GKAP1: variants seen among roughly 807,000 people sequenced by gnomAD.
GKAP1 encodes G kinase anchoring protein 1.
A neutral mutation model predicts 56.7 loss-of-function variants in GKAP1; 31 were observed. The ratio of observed to expected loss-of-function variants is 0.55; its 90% CI spans 0.41 to 0.74. The LOEUF is 0.74. Ranked by LOEUF, GKAP1 falls within the 30% of genes least tolerant of loss-of-function variation. The pLI is 0.00. For missense variants in GKAP1, 364 were observed against 402.3 expected, an observed-to-expected ratio of 0.90 and a Z score of 0.82; for synonymous variants, 151 against 138.6, an observed-to-expected ratio of 1.09 and a Z score of -0.63.
At chr9:83,742,800 G>A (rs1304372719) in intron 10 of GKAP1, among the ~76,000 whole-genome samples, 200 bp from the exon 11 acceptor site, 1 of 152,104 alleles carries the variant, frequency 6.6e-6, no homozygotes, top group Non-Finnish European at 1.5e-5. Flanking sequence ...ATTTTCACCA[G>A]TAAATTCTGA....
chr9:83,773,007 A>G (rs147933649), intron 7 of GKAP1, among the ~76,000 whole-genome samples: 51 of 152,320 alleles, frequency 3.3e-4, no homozygotes, highest in African/African-American at 1.2e-3. Context: ...TCATTTTGAA[A>G]AACAATTTGA....
At chr9:83,790,207 G>T (rs1412772346) in intron 4 of GKAP1, among the ~76,000 whole-genome samples, 1 of 152,116 alleles carries the variant, frequency 6.6e-6, no homozygotes, top group Non-Finnish European at 1.5e-5. Flanking sequence ...GAATTAAAAT[G>T]GTAAGGATAT....
rs908850014 is a variant in GKAP1 at position 83,768,707 on chromosome 9, A to C, written c.738+111T>G. On this transcript the variant is annotated intron_variant, in intron 8 of 12. Transcript: ENST00000376371. ...GTGATAATTACTAAGATCATATCCT[A>C]AACTACTACTTTATACAATCATAAT... 5.6e-6 allele frequency: 5 copies of C among 893,976 alleles called. No homozygotes were observed. In the African/African-American group the frequency reaches 6.8e-5, roughly 12 times the overall value. The allele number at this position is 893,976 out of a possible 1,614,324, so 55.4% of individuals were successfully genotyped here. A position where few individuals can be genotyped will look rare whatever the true frequency, so the allele number is the denominator to read the frequency against.
chr9:83,779,300 T>G (rs1201926024), intron 7 of GKAP1, among the ~76,000 whole-genome samples: 2 of 151,644 alleles, frequency 1.3e-5, no homozygotes, highest in Non-Finnish European at 2.9e-5. Flanking sequence ...TTTGCATGCA[T>G]AGTTAGGAAC....
intron 7 of GKAP1, among the ~76,000 whole-genome samples, chr9:83,776,359 T>A (rs940768823): frequency 6.6e-6 from 1 of 152,174 alleles, no homozygotes; most frequent in Non-Finnish European, 1.5e-5. Context: ...AGATTAAATT[T>A]ATTTGCTTTT....
In GKAP1 at chr9:83,742,020, G is replaced by A; in HGVS notation, c.985C>T (p.Leu329Phe). 1 of 1,587,256 alleles carries A rather than the reference G, an allele frequency of 6.3e-7. No individual in the cohort carries two copies. The highest frequency in any genetic ancestry group is 1.2e-5 in the South Asian group (1 of 86,170). Reference protein sequence around the residue: ...KNELTIQVTSLHAALEQERSK... With the variant: ...KNELTIQVTSFHAALEQERSK... ...CTTTCTTGTTCTAATGCAGCATGAA[G>A]TGAAGTCACCTATAACCAAATATTC... is the stretch of plus-strand genomic sequence containing the variant. Residue 329 changes from leucine (L) to phenylalanine (F), a missense_variant, in exon 12 of 13, where the codon CTT becomes TTT. Leu to Phe is a conservative substitution (Grantham distance 22). Coordinates refer to ENST00000376371, the MANE Select transcript of GKAP1 (RefSeq NM_025211.4).
At chr9:83,816,031 C>CAAAAAAAA (rs72114457) in intron 2 of GKAP1, among the ~76,000 whole-genome samples, 1 of 91,438 alleles carries the variant, frequency 1.1e-5, no homozygotes, top group Non-Finnish European at 2.2e-5. Flanking sequence ...ATTAAAAATA[C>CAAAAAAAA]AAAAAAAAAA....
chr9:83,812,308 C>T (rs571341808), intron 2 of GKAP1, among the ~76,000 whole-genome samples: 167 of 145,676 alleles, frequency 1.1e-3, no homozygotes, highest in African/African-American at 4.0e-3. Flanking sequence ...TATACGTATA[C>T]ATATATATGT....
chr9:83,756,631 TGTA>T (rs1943482492), intron 8 of GKAP1, among the ~76,000 whole-genome samples: 1 of 152,130 alleles, frequency 6.6e-6, no homozygotes, highest in African/African-American at 2.4e-5. Context: ...TTATCAGTAC[TGTA>T]GTAGTTTTCT....
chr9:83,806,447 C>A lies in GKAP1; in HGVS notation c.71G>T (p.Gly24Val). 3 of 1,613,944 alleles carry A rather than the reference C, an allele frequency of 1.9e-6. No homozygotes were observed. The highest frequency in any genetic ancestry group is 1.3e-5 in the African/African-American group (1 of 75,040). The stretch of plus-strand genomic sequence containing the variant: ...TCCAGGTTCAGAATCAGAGCCACTG[C>A]CACTATCCACTTGTAACAGGGCAAA... Reference protein sequence around the residue: ...SRFALLQVDSGSGSDSEPGKG... With the variant: ...SRFALLQVDSVSGSDSEPGKG... Residue 24 changes from glycine (G) to valine (V), a missense_variant, in exon 3 of 13, where the codon GGC becomes GTC. Physicochemically the swap from Gly to Val is moderately radical, Grantham distance 109 (BLOSUM62 -3). Transcript: ENST00000376371.
At chr9:83,749,662 GA>G (rs1943354628) in intron 9 of GKAP1, among the ~76,000 whole-genome samples, 1 of 152,060 alleles carries the variant, frequency 6.6e-6, no homozygotes, top group South Asian at 2.1e-4. Flanking sequence ...CATATACATA[GA>G]TATGTATAGA....
Position 83,741,802 on chromosome 9 carries a change from A to G in GKAP1, c.1053+150T>C, listed in dbSNP as rs1943213375. 3.0e-5 allele frequency: 18 copies of G among 594,116 alleles called. No individual in the cohort carries two copies. The East Asian group carries it at 5.3e-4, about 18-fold the overall frequency. 36.8% of individuals were successfully genotyped at this position (594,116 alleles called of 1,614,324 possible). A position where few individuals can be genotyped will look rare whatever the true frequency, so the allele number is the denominator to read the frequency against. On this transcript the variant is annotated intron_variant, in intron 12 of 12. Coordinates refer to ENST00000376371, the MANE Select transcript of GKAP1 (RefSeq NM_025211.4). ...CAATGTCTAGAATAACATCTTCTAC[A>G]TTGTAAATTATATGACCGATAATAA...
chr9:83,770,072 T>G (rs1943731590), intron 7 of GKAP1, among the ~76,000 whole-genome samples: 1 of 152,220 alleles, frequency 6.6e-6, no homozygotes, highest in Non-Finnish European at 1.5e-5. Context: ...TTTTGAGTTG[T>G]AACAGTTCTT....
At chr9:83,771,862 G>A (rs945507049) in intron 7 of GKAP1, among the ~76,000 whole-genome samples, 3 of 152,094 alleles carry the variant, frequency 2.0e-5, no homozygotes, top group Admixed American at 6.5e-5. Flanking sequence ...CATATCACTA[G>A]AGATTATAAT....
At chr9:83,794,810 A>G (rs1292029137) in intron 4 of GKAP1, among the ~76,000 whole-genome samples, 1 of 152,214 alleles carries the variant, frequency 6.6e-6, no homozygotes, top group East Asian at 1.9e-4. Context: ...TTCCTAGGCA[A>G]CAGCTGTTGG....
intron 4 of GKAP1, among the ~76,000 whole-genome samples, chr9:83,797,673 A>G (rs1041378011): frequency 9.2e-5 from 14 of 152,182 alleles, no homozygotes; most frequent in Non-Finnish European, 2.1e-4. Context: ...GCCAAGTCAC[A>G]CTATTTCCTT....
chr9:83,789,154 A>C (rs1944113665), intron 4 of GKAP1: 1 of 152,318 alleles, frequency 6.6e-6, no homozygotes, highest in South Asian at 2.1e-4. Context: ...GGCATATGCC[A>C]GGTGTTACAG....
At chr9:83,797,978 A>G (rs1944274341) in intron 4 of GKAP1, among the ~76,000 whole-genome samples, 1 of 152,166 alleles carries the variant, frequency 6.6e-6, no homozygotes, top group South Asian at 2.1e-4. Context: ...ACCCCTAGAA[A>G]CAGTACAAGA....
At chr9:83,778,098 G>A (rs1943893057) in intron 7 of GKAP1, among the ~76,000 whole-genome samples, 1 of 152,128 alleles carries the variant, frequency 6.6e-6, no homozygotes, top group Non-Finnish European at 1.5e-5. Context: ...CACTGTTGGT[G>A]GGAATGTAAA....
Sources: gnomAD v4.1 joint callset for allele counts (sites outside exome capture counted in the v4.1 genomes callset) on GRCh38, gnomAD v4.1.1 for gene constraint, MANE v1.5 for transcripts, NCBI Gene and HGNC (gene_info 2026-07-23, HGNC 2026-07-21) for gene names.